The following BNC2 variants were observed in gnomAD, a reference collection of about 807,000 sequenced individuals.
The protein encoded by BNC2 is zinc finger protein basonuclin-2.
A neutral mutation model predicts 76.3 loss-of-function variants in BNC2; 20 were observed. The ratio of observed to expected loss-of-function variants is 0.26; its 90% CI spans 0.18 to 0.38. BNC2 has a LOEUF of 0.38. Ranked by LOEUF, BNC2 falls within the 10% of genes least tolerant of loss-of-function variation. The pLI is 1.00. For missense variants in BNC2, 1,382 were observed against 1,399.8 expected, an observed-to-expected ratio of 0.99 and a Z score of 0.20; for synonymous variants, 582 against 514.8, an observed-to-expected ratio of 1.13 and a Z score of -1.77.
intron 1 of BNC2, among the ~76,000 whole-genome samples, chr9:16,745,621 T>A (rs1435736971): frequency 6.6e-6 from 1 of 152,212 alleles, no homozygotes; most frequent in Non-Finnish European, 1.5e-5. Context: ...TCCATTAGCA[T>A]ATATGGAGAG....
intron 1 of BNC2, among the ~76,000 whole-genome samples, chr9:16,812,518 G>T (rs947658038): frequency 1.3e-5 from 2 of 152,180 alleles, no homozygotes; most frequent in Non-Finnish European, 2.9e-5. Flanking sequence ...TTGTCACCTC[G>T]TGTCATTACC....
intron 4 of BNC2, among the ~76,000 whole-genome samples, chr9:16,563,839 C>T (rs999913682): frequency 1.3e-5 from 2 of 152,106 alleles, no homozygotes; most frequent in African/African-American, 4.8e-5. Context: ...ACTATTTCAC[C>T]GGCAGATACT....
At chr9:16,570,484 T>A (rs893019375) in intron 4 of BNC2, among the ~76,000 whole-genome samples, 2 of 152,166 alleles carry the variant, frequency 1.3e-5, no homozygotes, top group Non-Finnish European at 2.9e-5. Flanking sequence ...ACTGCTGGAT[T>A]TGCTTAATGC....
At chr9:16,725,984 T>TC (rs1824303904) in intron 3 of BNC2, among the ~76,000 whole-genome samples, 1 of 44,942 alleles carries the variant, frequency 2.2e-5, no homozygotes, top group African/African-American at 1.1e-4. Context: ...TCTTCCCTTC[T>TC]AACACACACA....
chr9:16,421,554 A>T (rs1048589490), intron 6 of BNC2, among the ~76,000 whole-genome samples: 1 of 152,236 alleles, frequency 6.6e-6, no homozygotes, highest in Non-Finnish European at 1.5e-5. Context: ...AATTCACAGC[A>T]TCATCATCCA....
intron 1 of BNC2, among the ~76,000 whole-genome samples, chr9:16,808,638 G>A (rs1483722311): frequency 6.6e-6 from 1 of 151,530 alleles, no homozygotes; most frequent in Non-Finnish European, 1.5e-5. Context: ...ACAGGCGTAT[G>A]TGACCACAAC....
intron 1 of BNC2, chr9:16,832,351 C>G (rs755992608): frequency 1.0e-4 from 125 of 1,251,486 alleles, no homozygotes; most frequent in Non-Finnish European, 1.2e-4. Context: ...ACCAGGCAAT[C>G]TGTGAAACAG....
intron 1 of BNC2, among the ~76,000 whole-genome samples, chr9:16,860,982 G>A (rs186499125): frequency 3.3e-5 from 5 of 151,766 alleles, no homozygotes; most frequent in East Asian, 1.9e-4. Flanking sequence ...AGAGGTGGAG[G>A]TTGCAGTGAG....
intron 3 of BNC2, among the ~76,000 whole-genome samples, chr9:16,638,968 A>C (rs10125435): frequency 0.017 from 2,556 of 152,288 alleles, 58 homozygotes; most frequent in African/African-American, 0.058. Flanking sequence ...ATAGCAATGT[A>C]ATGTAAGAAT....
chr9:16,551,127 C>T (rs1286841672), intron 5 of BNC2, among the ~76,000 whole-genome samples: 2 of 152,156 alleles, frequency 1.3e-5, no homozygotes, highest in African/African-American at 4.8e-5. Flanking sequence ...TGCTTGTAAA[C>T]ATTCTGTATA....
At chr9:16,457,804 A>C (rs1821487293) in intron 5 of BNC2, among the ~76,000 whole-genome samples, 1 of 152,222 alleles carries the variant, frequency 6.6e-6, no homozygotes, top group South Asian at 2.1e-4. Flanking sequence ...ATGCCAGCCA[A>C]GGGCCAACCT....
rs139594224 is a variant in BNC2 at position 16,526,442 on chromosome 9, G to T, written c.669+26088C>A. On this transcript the variant is annotated intron_variant, in intron 5 of 6. Coordinates refer to ENST00000380672, the MANE Select transcript of BNC2 (RefSeq NM_017637.6). ...CATAATGTGTGTCCACCAATGCTGG[G>T]ATTACTTCCCAACATAGTTTAATGC... Among the ~76,000 whole-genome samples, 458 of 140,380 alleles carry T rather than the reference G, an allele frequency of 3.3e-3. 5 individuals carry two copies. The highest frequency in any genetic ancestry group is 0.018 in the South Asian group (78 of 4,274). 92.1% of individuals were successfully genotyped at this position (140,380 alleles called of 152,430 possible).
At chr9:16,588,083 C>A (rs937134675) in intron 3 of BNC2, among the ~76,000 whole-genome samples, 1 of 152,156 alleles carries the variant, frequency 6.6e-6, no homozygotes, top group African/African-American at 2.4e-5. Context: ...TTTAAAAATA[C>A]ATGATTCTCT....
At chr9:16,813,037 T>C (rs995153416) in intron 1 of BNC2, among the ~76,000 whole-genome samples, 6 of 151,906 alleles carry the variant, frequency 3.9e-5, no homozygotes, top group African/African-American at 1.4e-4. Flanking sequence ...GGTGAAACCC[T>C]GTCTCTACTA....
At chr9:16,621,357 G>A (rs926266726) in intron 3 of BNC2, among the ~76,000 whole-genome samples, 1 of 152,160 alleles carries the variant, frequency 6.6e-6, no homozygotes, top group Non-Finnish European at 1.5e-5. Context: ...TGCCTGTAAT[G>A]TGTCTGTGGT....
chr9:16,446,461 AT>A (rs1214826749), intron 5 of BNC2, among the ~76,000 whole-genome samples: 1 of 151,972 alleles, frequency 6.6e-6, no homozygotes, highest in African/African-American at 2.4e-5. Context: ...AATATTTATA[AT>A]TTTTTTCTGA....
intron 3 of BNC2, among the ~76,000 whole-genome samples, chr9:16,585,134 T>G (rs923725118): frequency 3.9e-5 from 6 of 152,148 alleles, no homozygotes; most frequent in African/African-American, 1.4e-4. Context: ...TGTATTGTCT[T>G]TAAAGCACAC....
chr9:16,588,059 T>C (rs1286097988), intron 3 of BNC2, among the ~76,000 whole-genome samples: 1 of 152,286 alleles, frequency 6.6e-6, no homozygotes, highest in Non-Finnish European at 1.5e-5. Flanking sequence ...AAATAACAGG[T>C]GCTCAAAAGG....
chr9:16,696,094 C>G (rs1208123510), intron 3 of BNC2, among the ~76,000 whole-genome samples: 1 of 152,194 alleles, frequency 6.6e-6, no homozygotes, highest in African/African-American at 2.4e-5. Flanking sequence ...CTAACAAGTA[C>G]ATGCTCAGAC....
Sources: gnomAD v4.1 joint callset for allele counts (sites outside exome capture counted in the v4.1 genomes callset) on GRCh38, gnomAD v4.1.1 for gene constraint, MANE v1.5 for transcripts, NCBI Gene and HGNC (gene_info 2026-07-23, HGNC 2026-07-21) for gene names.